ADARB2: variants seen among roughly 807,000 people sequenced by gnomAD.
The protein encoded by ADARB2 is inactive double-stranded RNA-specific editase B2.
ADARB2 carries 25 observed loss-of-function variants against 62.2 expected under a neutral mutation model. That is an observed-to-expected ratio of 0.40 (90% CI 0.29 to 0.56). ADARB2 has a LOEUF of 0.56. ADARB2 is among the 20% of genes least tolerant of loss of function. ADARB2 has a pLI of 0.43. For missense variants in ADARB2, 1,071 were observed against 1,077.4 expected (o/e 0.99, Z 0.08); for synonymous variants, 572 against 500.8 (o/e 1.14, Z -1.90).
intron 6 of ADARB2, among the ~76,000 whole-genome samples, chr10:1,229,399 G>A (rs1391372510): frequency 6.6e-6 from 1 of 152,168 alleles, no homozygotes; most frequent in Non-Finnish European, 1.5e-5. Flanking sequence ...GGAGCCAGCT[G>A]CTCAGCAGCC....
At chr10:1,487,090 G>A (rs1383608047) in intron 1 of ADARB2, among the ~76,000 whole-genome samples, 1 of 152,242 alleles carries the variant, frequency 6.6e-6, no homozygotes, top group East Asian at 1.9e-4. Flanking sequence ...CTGCACGCGT[G>A]GGTGCCGTGG....
chr10:1,452,336 GTAA>G (rs1051898366), intron 1 of ADARB2, among the ~76,000 whole-genome samples: 1 of 152,044 alleles, frequency 6.6e-6, no homozygotes, highest in African/African-American at 2.4e-5. Flanking sequence ...GGGAAAAATA[GTAA>G]TAATAATAAT....
chr10:1,181,864 C>T lies in ADARB2; in HGVS notation c.*1329G>A, dbSNP rs1002879836. The T allele has an allele frequency of 1.3e-5, 2 of 152,080 alleles. No homozygotes were observed. Among genetic ancestry groups the T allele is most frequent in the African/African-American group, 4.8e-5 (2 of 41,402 alleles). The allele number at this position is 152,080 out of a possible 1,614,324, so 9.4% of individuals were successfully genotyped here. A position where few individuals can be genotyped will look rare whatever the true frequency, so the allele number is the denominator to read the frequency against. ...TCTCGGAGGTGAGATGACAGCAGCT[C>T]GAGGTACATGGATTACGTAAAGATA... On this transcript the variant is annotated 3_prime_UTR_variant, in exon 10 of 10. Transcript: ENST00000381312.
chr10:1,635,623 G>T (rs1210229001), intron 1 of ADARB2, among the ~76,000 whole-genome samples: 1 of 152,172 alleles, frequency 6.6e-6, no homozygotes, highest in African/African-American at 2.4e-5. Flanking sequence ...CGTTGGATTA[G>T]GTTCAAAGCT....
Position 1,652,015 on chromosome 10 carries a change from C to T in ADARB2, c.100+85036G>A, listed in dbSNP as rs548544145. 1.6e-4 allele frequency among the ~76,000 whole-genome samples: 24 copies of T among 152,246 alleles called. 1 individual carries two copies. Among genetic ancestry groups the T allele is most frequent in the Non-Finnish European group, 4.4e-5 (3 of 68,046 alleles). On this transcript the variant is annotated intron_variant, in intron 1 of 9. Coordinates refer to ENST00000381312, the MANE Select transcript of ADARB2 (RefSeq NM_018702.4). ...TACAGAGAGCTGGGCTCCATCAACC[C>T]TGCTGAGATCCTTGGGGACGGGGCT...
chr10:1,564,838 T>C (rs1393089040), intron 1 of ADARB2, among the ~76,000 whole-genome samples: 1 of 151,516 alleles, frequency 6.6e-6, no homozygotes, highest in African/African-American at 2.4e-5. Flanking sequence ...TTTGTAATAA[T>C]AGCAATGCCT....
At chr10:1,378,798 T>G (rs1588238453) in intron 2 of ADARB2, among the ~76,000 whole-genome samples, 1 of 152,266 alleles carries the variant, frequency 6.6e-6, no homozygotes, top group African/African-American at 2.4e-5. Context: ...GGACCTCAGA[T>G]GAAGACAGGA....
At chr10:1,640,492 G>C (rs1427865576) in intron 1 of ADARB2, among the ~76,000 whole-genome samples, 1 of 152,178 alleles carries the variant, frequency 6.6e-6, no homozygotes, top group Non-Finnish European at 1.5e-5. Context: ...TTTACATTTT[G>C]ACATAAAATA....
At chr10:1,729,518 G>A (rs1273663393) in intron 1 of ADARB2, among the ~76,000 whole-genome samples, 1 of 152,126 alleles carries the variant, frequency 6.6e-6, no homozygotes, top group Non-Finnish European at 1.5e-5. Context: ...TGATGTTTCT[G>A]TCATGTTTAT....
At chr10:1,202,791 C>A (rs1837004343) in intron 7 of ADARB2, among the ~76,000 whole-genome samples, 2 of 152,204 alleles carry the variant, frequency 1.3e-5, no homozygotes, top group Non-Finnish European at 2.9e-5. Context: ...GTGAAATAAG[C>A]CACGAGTTAA....
chr10:1,657,271 C>T (rs564321977), intron 1 of ADARB2, among the ~76,000 whole-genome samples: 40 of 152,248 alleles, frequency 2.6e-4, no homozygotes, highest in African/African-American at 9.6e-4. Flanking sequence ...AACTTCAGTA[C>T]GTTGCTTCTT....
chr10:1,577,061 A>T (rs1340383272), intron 1 of ADARB2, among the ~76,000 whole-genome samples: 1 of 152,132 alleles, frequency 6.6e-6, no homozygotes, highest in Non-Finnish European at 1.5e-5. Context: ...GATTCAGTGC[A>T]GTTCTCACGA....
At chr10:1,187,642 G>A (rs923166280) in intron 8 of ADARB2, among the ~76,000 whole-genome samples, 3 of 152,250 alleles carry the variant, frequency 2.0e-5, no homozygotes, top group Non-Finnish European at 2.9e-5. Flanking sequence ...GCCGTCTGAC[G>A]GGGTTTCCTC....
At chr10:1,609,239 T>C (rs1029107817) in intron 1 of ADARB2, among the ~76,000 whole-genome samples, 14 of 152,184 alleles carry the variant, frequency 9.2e-5, no homozygotes, top group African/African-American at 2.9e-4. Context: ...TAGACTTTTT[T>C]CCACTGATAA....
intron 1 of ADARB2, among the ~76,000 whole-genome samples, chr10:1,411,350 C>G (rs1160719056): frequency 6.6e-6 from 1 of 152,190 alleles, no homozygotes; most frequent in Non-Finnish European, 1.5e-5. Flanking sequence ...CGTCGTTAGC[C>G]CACCCGTCCC....
At chr10:1,459,298 G>T (rs928796738) in intron 1 of ADARB2, among the ~76,000 whole-genome samples, 5 of 152,212 alleles carry the variant, frequency 3.3e-5, no homozygotes. Flanking sequence ...CGACAGACTG[G>T]ATACGGAACA....
chr10:1,414,978 A>G (rs866559644), intron 1 of ADARB2, among the ~76,000 whole-genome samples: 1 of 149,528 alleles, frequency 6.7e-6, no homozygotes, highest in South Asian at 2.1e-4. Context: ...GTGAATGGAT[A>G]GGATGATAGA....
intron 7 of ADARB2, among the ~76,000 whole-genome samples, chr10:1,206,477 A>G (rs1837068327): frequency 1.4e-5 from 2 of 147,630 alleles, no homozygotes; most frequent in East Asian, 4.0e-4. Flanking sequence ...TGCGTCTGAG[A>G]GAACTGCGGG....
intron 1 of ADARB2, among the ~76,000 whole-genome samples, chr10:1,713,575 T>G (rs1834978736): frequency 6.6e-6 from 1 of 152,138 alleles, no homozygotes; most frequent in South Asian, 2.1e-4. Context: ...TCAAAGAGCA[T>G]TGGCAAAGCC....
Sources: gnomAD v4.1 joint callset for allele counts (sites outside exome capture counted in the v4.1 genomes callset) on GRCh38, gnomAD v4.1.1 for gene constraint, MANE v1.5 for transcripts, NCBI Gene and HGNC (gene_info 2026-07-23, HGNC 2026-07-21) for gene names.